The following SATB2 variants were observed in gnomAD, a reference collection of about 807,000 sequenced individuals.
SATB2 encodes DNA-binding protein SATB2.
In SATB2, 1 loss-of-function variant was observed where a neutral mutation model predicts 73.4. The observed-to-expected ratio is 0.01, with a 90% confidence interval of 0.00 to 0.06. SATB2 has a LOEUF of 0.06. Ranked by LOEUF, SATB2 falls within the 10% of genes least tolerant of loss-of-function variation. The pLI is 1.00. For missense variants in SATB2, 459 were observed against 945.8 expected, an observed-to-expected ratio of 0.49 and a Z score of 6.75; for synonymous variants, 397 against 367.0, an observed-to-expected ratio of 1.08 and a Z score of -0.93.
At chr2:199,454,882 T>G (rs1362706412) in intron 2 of SATB2, among the ~76,000 whole-genome samples, 1 of 152,194 alleles carries the variant, frequency 6.6e-6, no homozygotes, top group Non-Finnish European at 1.5e-5. Context: ...AGGTTTTATA[T>G]CATTTAAGAC....
At chr2:199,309,369 A>G (rs1687530757) in intron 9 of SATB2, among the ~76,000 whole-genome samples, 1 of 152,270 alleles carries the variant, frequency 6.6e-6, no homozygotes. Context: ...AATTCTAAAA[A>G]AGAAAAATTG....
At chr2:199,468,595 C>T (rs550745889), upstream of SATB2, among the ~76,000 whole-genome samples, 65 of 152,312 alleles carry the variant, frequency 4.3e-4, 1 homozygote, top group African/African-American at 1.5e-3. Flanking sequence ...GCACCTCCTC[C>T]CTGAGCGGAG....
chr2:199,323,078 T>C (rs1006768319), intron 9 of SATB2, among the ~76,000 whole-genome samples: 1 of 152,102 alleles, frequency 6.6e-6, no homozygotes, highest in Non-Finnish European at 1.5e-5. Flanking sequence ...AAGTTGTCCC[T>C]TTAAATGAAG....
At chr2:199,347,239 A>T (rs1026783849) in intron 7 of SATB2, 6 of 152,198 alleles carry the variant, frequency 3.9e-5, no homozygotes, top group Admixed American at 3.3e-4. Context: ...TGAGGTTTCA[A>T]TCCAGCATGC....
chr2:199,451,441 T>C (rs1423488417), intron 2 of SATB2, among the ~76,000 whole-genome samples: 1 of 144,872 alleles, frequency 6.9e-6, no homozygotes, highest in East Asian at 2.0e-4. Flanking sequence ...TAAAAGATCT[T>C]AAAACCTTAA....
At chr2:199,312,469 T>C (rs1687622331) in intron 9 of SATB2, among the ~76,000 whole-genome samples, 1 of 152,186 alleles carries the variant, frequency 6.6e-6, no homozygotes, top group Admixed American at 6.5e-5. Context: ...GCTAGGAATG[T>C]AGAAGGTATC....
intron 7 of SATB2, among the ~76,000 whole-genome samples, chr2:199,334,692 A>T (rs1433971882): frequency 6.6e-6 from 1 of 152,156 alleles, no homozygotes; most frequent in Non-Finnish European, 1.5e-5. Context: ...AAAGCAAAAA[A>T]CTGGTAACCT....
At position 199,348,971 on chromosome 2, in the gene SATB2, C is replaced by T; in HGVS notation, c.903G>A (p.Gln301=). The change falls in exon 7 of 11, where the codon CAG becomes CAA. Residue 301 remains glutamine, a synonymous_variant. Transcript: ENST00000417098. Reference sequence around the variant, plus strand: ...GTTGCCTTACAAGTTGTGGACTAAGCTGGGGAGAAAGAAGACCAGGGCTCA... The same window carrying T: ...GTTGCCTTACAAGTTGTGGACTAAGTTGGGGAGAAAGAAGACCAGGGCTCA... ...PIMSPGLLSP[Q]LSPQLVRQQI... 1 of 1,614,094 alleles carries T rather than the reference C, an allele frequency of 6.2e-7. No individual in the cohort carries two copies. The highest frequency in any genetic ancestry group is 8.5e-7 in the Non-Finnish European group (1 of 1,179,990).
intron 5 of SATB2, among the ~76,000 whole-genome samples, chr2:199,375,879 C>T (rs1382674873): frequency 1.3e-5 from 2 of 152,184 alleles, no homozygotes; most frequent in Admixed American, 1.3e-4. Flanking sequence ...ATCAGGACTC[C>T]AGGAATGCTG....
chr2:199,433,233 CA>C (rs1369808440), intron 3 of SATB2, 104 bp downstream of exon 3: 2 of 1,166,008 alleles, frequency 1.7e-6, no homozygotes, highest in African/African-American at 3.1e-5. Flanking sequence ...CTAAATCTGA[CA>C]ATTCTCCTTC....
rs1221401921 is a variant in SATB2, at chr2:199,322,873, C to T, written c.1542+930G>A. Among the ~76,000 whole-genome samples, 4 of 152,152 alleles carry T rather than the reference C, an allele frequency of 2.6e-5. No homozygotes were observed. The East Asian group carries it at 7.7e-4, about 29-fold the overall frequency. ...GAAGATTTGTTAGGGAGATGATCAA[C>T]CATTTGATTATTTACATATGTAGGG... On this transcript the variant is annotated intron_variant, in intron 9 of 10. Coordinates refer to ENST00000417098, the MANE Select transcript of SATB2 (RefSeq NM_001172509.2).
chr2:199,464,321 A>G lies in SATB2; in HGVS notation c.-141+515T>C, dbSNP rs1373266097. Among the ~76,000 whole-genome samples the G allele has an allele frequency of 6.6e-6, 1 of 152,030 alleles. No homozygotes were observed. Among genetic ancestry groups the G allele is most frequent in the Non-Finnish European group, 1.5e-5 (1 of 68,004 alleles). On this transcript the variant is annotated intron_variant, in intron 1 of 11. Coordinates refer to the SATB2 transcript ENST00000260926. This position sits in a 1 kb window ranked among gnomAD's most constrained non-coding sequence, Gnocchi z 6.6. ...CGCGCGGTCCCGGAGCCACATCCGG[A>G]CTTGGGAACCCCGTGTCGGGCTTAG...
chr2:199,457,527 T>C lies in SATB2; in HGVS notation c.-248A>G, dbSNP rs958635599. The C allele has an allele frequency of 1.4e-5, 2 of 140,154 alleles. No homozygotes were observed. The highest frequency in any genetic ancestry group is 5.3e-5 in the African/African-American group (2 of 37,620). 8.7% of individuals were successfully genotyped at this position (140,154 alleles called of 1,614,324 possible). A position where few individuals can be genotyped will look rare whatever the true frequency, so the allele number is the denominator to read the frequency against. On this transcript the variant is annotated 5_prime_UTR_variant, in exon 1 of 11. Transcript: ENST00000417098. This position sits in a 1 kb window ranked among gnomAD's most constrained non-coding sequence, Gnocchi z 4.8. ...CCTGGGTCAGGGTGTCTTCTTCTGG[T>C]GCGGAGATGGTTGTTATGATGATGA...
At chr2:199,319,316 C>T (rs1377123974) in intron 9 of SATB2, among the ~76,000 whole-genome samples, 1 of 152,112 alleles carries the variant, frequency 6.6e-6, no homozygotes, top group Admixed American at 6.6e-5. Flanking sequence ...GGAGGATTGG[C>T]AGAGGTCTTT....
At chr2:199,319,225 T>C (rs770205516) in intron 9 of SATB2, among the ~76,000 whole-genome samples, 47 of 152,144 alleles carry the variant, frequency 3.1e-4, no homozygotes, top group Non-Finnish European at 6.2e-4. Context: ...CTAAAGTGTG[T>C]AGTAGGAAGA....
At chr2:199,417,639 CTAAT>C (rs1691033562) in intron 3 of SATB2, among the ~76,000 whole-genome samples, 1 of 152,156 alleles carries the variant, frequency 6.6e-6, no homozygotes, top group Non-Finnish European at 1.5e-5. Context: ...CTATAACTCA[CTAAT>C]TACAAAGCTA....
chr2:199,382,318 A>G (rs1689803781), intron 3 of SATB2, among the ~76,000 whole-genome samples: 1 of 152,208 alleles, frequency 6.6e-6, no homozygotes, highest in Admixed American at 6.5e-5. Flanking sequence ...AAGCAGTTAG[A>G]GTTCGCTCCC....
intron 6 of SATB2, among the ~76,000 whole-genome samples, chr2:199,364,663 T>C (rs1421085307): frequency 6.6e-6 from 1 of 152,178 alleles, no homozygotes; most frequent in Non-Finnish European, 1.5e-5. Flanking sequence ...AATAATTTTA[T>C]AATAACCACC....
chr2:199,456,162 A>G, intron 1 of SATB2, 66 bp from the exon 2 acceptor site: 1 of 922,844 alleles, frequency 1.1e-6, no homozygotes, highest in East Asian at 2.6e-5. Context: ...CATACACGTG[A>G]TAGACGTTCA....
Sources: gnomAD v4.1 joint callset for allele counts (sites outside exome capture counted in the v4.1 genomes callset) on GRCh38, gnomAD v4.1.1 for gene constraint, Gnocchi (gnomAD v3.1) non-coding constraint, MANE v1.5 for transcripts, NCBI Gene and HGNC (gene_info 2026-07-23, HGNC 2026-07-21) for gene names.